Variants in CNTN1 observed in about 807,000 individuals in gnomAD.
CNTN1 encodes contactin-1.
A neutral mutation model predicts 126.4 loss-of-function variants in CNTN1; 38 were observed. The observed-to-expected ratio is 0.30, with a 90% confidence interval of 0.23 to 0.39. CNTN1 has a LOEUF of 0.39. Among genes scored for constraint, CNTN1 ranks in the 10% least tolerant of loss-of-function variants. The probability of loss-of-function intolerance (pLI) is 1.00; values close to 1 mark genes in which losing one functional copy is unlikely to be tolerated. For synonymous variants in CNTN1, 413 were observed against 422.6 expected, an observed-to-expected ratio of 0.98 and a Z score of 0.28; for missense variants, 1,009 against 1,248.4, an observed-to-expected ratio of 0.81 and a Z score of 2.89.
At position 40,744,335 on chromosome 12, in the gene CNTN1, C is replaced by T. The variant is rs1476241429; in HGVS notation, c.-77+51743C>T. On this transcript the variant is annotated intron_variant, in intron 1 of 23. Transcript: ENST00000551295. ...AAAAATAAAAGAACAAAACAAAACA[C>T]GGAGATGAATGCATGAAGGGAATGA... Among the ~76,000 whole-genome samples, 3 of 151,128 alleles carry T rather than the reference C, an allele frequency of 2.0e-5. No individual in the cohort carries two copies. In the South Asian group the frequency reaches 6.3e-4, roughly 32 times the overall value.
intron 15 of CNTN1, among the ~76,000 whole-genome samples, chr12:40,969,847 C>A (rs1267825982): frequency 6.6e-6 from 1 of 152,096 alleles, no homozygotes; most frequent in African/African-American, 2.4e-5. Flanking sequence ...AATGCAGAAA[C>A]TTCTGAATTC....
At chr12:40,926,851 G>A (rs764555438) in intron 6 of CNTN1, among the ~76,000 whole-genome samples, 5 of 152,216 alleles carry the variant, frequency 3.3e-5, no homozygotes, top group African/African-American at 9.6e-5. Context: ...TTGACTTTAT[G>A]TGGTATATAA....
intron 1 of CNTN1, among the ~76,000 whole-genome samples, chr12:40,718,139 A>G (rs1049928551): frequency 5.3e-5 from 8 of 152,070 alleles, no homozygotes; most frequent in African/African-American, 1.9e-4. Context: ...GAATAATTGT[A>G]AGGATATTTC....
intron 17 of CNTN1, among the ~76,000 whole-genome samples, chr12:41,003,206 G>A (rs1412216916): frequency 6.6e-6 from 1 of 152,080 alleles, no homozygotes; most frequent in Non-Finnish European, 1.5e-5. Context: ...TTAATCATGT[G>A]GTTTTTGTCT....
At chr12:40,897,642 A>G (rs1944456977) in intron 1 of CNTN1, among the ~76,000 whole-genome samples, 1 of 152,170 alleles carries the variant, frequency 6.6e-6, no homozygotes. Flanking sequence ...AAATTAATTA[A>G]TATTTGATAT....
rs1191888454 is a variant in CNTN1, at chr12:40,929,855, C to T, written c.556C>T (p.Arg186Trp). 2 of 1,612,582 alleles carry T rather than the reference C, an allele frequency of 1.2e-6. No individual in the cohort carries two copies. Among genetic ancestry groups the T allele is most frequent in the East Asian group, 2.2e-5 (1 of 44,846 alleles). The change falls in exon 7 of 24, where the codon CGG (arginine) becomes TGG (tryptophan). Residue 186 changes from arginine (R) to tryptophan (W), a missense_variant. By Grantham distance (101) the Arg-to-Trp change is moderately radical (BLOSUM62 -3). Transcript: ENST00000551295. The part of the protein sequence containing the change: ...EFPVFITMDK[R>W]RFVSQTNGNL... Reference sequence around the variant, plus strand: ...TCCTGTATTTATCACAATGGATAAACGGCGATTTGTGTCTCAGACAAATGG... The same window carrying T: ...TCCTGTATTTATCACAATGGATAAATGGCGATTTGTGTCTCAGACAAATGG...
chr12:40,759,135 C>T (rs1592055838), intron 1 of CNTN1, among the ~76,000 whole-genome samples: 1 of 152,020 alleles, frequency 6.6e-6, no homozygotes, highest in Non-Finnish European at 1.5e-5. Flanking sequence ...AACTCCTGAC[C>T]TTAAGTGATC....
At chr12:40,894,283 G>T (rs1164161966) in intron 1 of CNTN1, among the ~76,000 whole-genome samples, 1 of 152,088 alleles carries the variant, frequency 6.6e-6, no homozygotes, top group African/African-American at 2.4e-5. Context: ...CTGCATTGAA[G>T]AAGTCACTAG....
rs181552357 is a variant in CNTN1, at chr12:40,964,292, C to T, written c.1804+5058C>T. 3.0e-3 allele frequency among the ~76,000 whole-genome samples: 464 copies of T among 152,146 alleles called. 2 individuals carry two copies. Among genetic ancestry groups the T allele is most frequent in the Non-Finnish European group, 4.5e-3 (304 of 67,980 alleles). ...AAAAACAAACAAAAGAAAAAGAAAA[C>T]GACTTTGCTATCTAAACTTTTTCTT... is the stretch of plus-strand genomic sequence containing the variant. On this transcript the variant is annotated intron_variant, in intron 15 of 23. Transcript: ENST00000551295.
At chr12:40,912,329 C>T (rs1024767526) in intron 3 of CNTN1, among the ~76,000 whole-genome samples, 2 of 151,036 alleles carry the variant, frequency 1.3e-5, no homozygotes, top group African/African-American at 2.4e-5. Flanking sequence ...TAATTAATAA[C>T]TAAATCATTT....
chr12:40,838,477 C>G (rs1942152546), intron 1 of CNTN1, among the ~76,000 whole-genome samples: 1 of 152,210 alleles, frequency 6.6e-6, no homozygotes, highest in Non-Finnish European at 1.5e-5. Flanking sequence ...TTTCAAGAGT[C>G]AGCCCTCCAG....
intron 1 of CNTN1, among the ~76,000 whole-genome samples, chr12:40,721,143 A>C (rs1393710242): frequency 6.6e-6 from 1 of 152,132 alleles, no homozygotes; most frequent in African/African-American, 2.4e-5. Flanking sequence ...CAGGCATCAC[A>C]CTTATCTAGA....
chr12:40,930,478 TC>T (rs2136909393), intron 7 of CNTN1, among the ~76,000 whole-genome samples: 1 of 152,100 alleles, frequency 6.6e-6, no homozygotes, highest in South Asian at 2.1e-4. Context: ...AATGGTCTTT[TC>T]TAATCTACAT....
intron 4 of CNTN1, among the ~76,000 whole-genome samples, chr12:40,921,951 A>G (rs965049991): frequency 6.6e-5 from 10 of 152,230 alleles, no homozygotes; most frequent in African/African-American, 2.2e-4. Flanking sequence ...GCTATCAATT[A>G]CATCCCAAGA....
intron 1 of CNTN1, chr12:40,729,328 T>G (rs1942436453): frequency 6.5e-6 from 1 of 152,806 alleles, no homozygotes; most frequent in Admixed American, 6.5e-5. Flanking sequence ...TTGCAAGAAA[T>G]TGTTATCCTT....
chr12:40,816,374 C>T (rs376542725), intron 1 of CNTN1, among the ~76,000 whole-genome samples: 1 of 152,118 alleles, frequency 6.6e-6, no homozygotes, highest in African/African-American at 2.4e-5. Flanking sequence ...CTGGTTTAGT[C>T]CTGATACGGT....
intron 1 of CNTN1, among the ~76,000 whole-genome samples, chr12:40,717,803 G>A (rs1366682092): frequency 6.6e-6 from 1 of 152,144 alleles, no homozygotes; most frequent in Non-Finnish European, 1.5e-5. Flanking sequence ...CAGCAAAATA[G>A]GGCCTTGTTG....
At chr12:40,908,069 T>C (rs559904600) in intron 1 of CNTN1, among the ~76,000 whole-genome samples, 1 of 152,344 alleles carries the variant, frequency 6.6e-6, no homozygotes, top group South Asian at 2.1e-4. Context: ...AAACACATGA[T>C]TGAGTGACAC....
At chr12:40,973,681 T>C (rs1039627584) in intron 15 of CNTN1, among the ~76,000 whole-genome samples, 2 of 152,128 alleles carry the variant, frequency 1.3e-5, no homozygotes, top group East Asian at 1.9e-4. Context: ...ATTAAATGTA[T>C]GTGCTATATG....
Sources: gnomAD v4.1 joint callset for allele counts (sites outside exome capture counted in the v4.1 genomes callset) on GRCh38, gnomAD v4.1.1 for gene constraint, MANE v1.5 for transcripts, NCBI Gene and HGNC (gene_info 2026-07-23, HGNC 2026-07-21) for gene names.